BIRC6: variants seen among roughly 807,000 people sequenced by gnomAD.
The protein encoded by BIRC6 is baculoviral IAP repeat containing 6.
A neutral mutation model predicts 503.3 loss-of-function variants in BIRC6; 98 were observed. The observed-to-expected ratio is 0.19, with a 90% CI of 0.17 to 0.23. The LOEUF (loss-of-function observed/expected upper bound fraction) is 0.23, where lower values mean the gene tolerates loss of function less well. Ranked by LOEUF, BIRC6 falls within the 10% of genes least tolerant of loss-of-function variation. BIRC6 has a pLI of 1.00. For synonymous variants in BIRC6, 2,240 were observed against 2,078.7 expected (o/e 1.08, Z -2.11); for missense variants, 5,360 against 5,806.0 (o/e 0.92, Z 2.50).
intron 33 of BIRC6, among the ~76,000 whole-genome samples, chr2:32,474,063 A>T (rs1030798782): frequency 2.6e-4 from 39 of 151,892 alleles, no homozygotes; most frequent in African/African-American, 9.2e-4. Context: ...GCCACACAAT[A>T]TTTTTATTAT....
intron 8 of BIRC6, among the ~76,000 whole-genome samples, chr2:32,404,326 T>C (rs1389137649): frequency 3.3e-5 from 5 of 152,246 alleles, no homozygotes; most frequent in African/African-American, 9.6e-5. Flanking sequence ...ATAATTTTTT[T>C]TCTTTTTTTT....
At chr2:32,483,773 T>G (rs148575070) in intron 39 of BIRC6, among the ~76,000 whole-genome samples, 3 of 152,322 alleles carry the variant, frequency 2.0e-5, no homozygotes, top group Non-Finnish European at 4.4e-5. Context: ...ATTGAGTTAA[T>G]GCATCTTCGA....
chr2:32,575,131 G>A lies in BIRC6; in HGVS notation c.13145-25G>A, dbSNP rs754449554. ...TTTATATTGTACATTTGCTCATTTT[G>A]TGCTTTTTCTTCTTCTCCTTATAGT... On this transcript the variant is annotated intron_variant, in intron 65 of 73. Transcript: ENST00000421745. 1.2e-5 allele frequency: 19 copies of A among 1,608,430 alleles called. No homozygotes were observed. In the South Asian group the frequency reaches 1.6e-4, roughly 14 times the overall value.
chr2:32,550,087 A>AT (rs2058325403), intron 65 of BIRC6, among the ~76,000 whole-genome samples: 1 of 152,176 alleles, frequency 6.6e-6, no homozygotes, highest in Admixed American at 6.5e-5. Flanking sequence ...ATGTATAGAT[A>AT]TTTCCAAGAG....
chr2:32,389,070 T>A, intron 4 of BIRC6, 127 bp downstream of exon 4: 1 of 658,804 alleles, frequency 1.5e-6, no homozygotes, highest in Non-Finnish European at 2.2e-6. Flanking sequence ...AATTTTGAAA[T>A]TAAAAAAAAA....
intron 73 of BIRC6, among the ~76,000 whole-genome samples, chr2:32,615,600 G>C (rs146831755): frequency 6.6e-6 from 1 of 152,136 alleles, no homozygotes; most frequent in East Asian, 1.9e-4. Context: ...AATTTTCAAA[G>C]TCAGCTGTTG....
chr2:32,404,735 C>A (rs2041003553), intron 8 of BIRC6, among the ~76,000 whole-genome samples: 3 of 151,850 alleles, frequency 2.0e-5, no homozygotes, highest in Non-Finnish European at 4.4e-5. Flanking sequence ...GCTCACGGCT[C>A]ACTGCACCCT....
intron 1 of BIRC6, among the ~76,000 whole-genome samples, chr2:32,361,095 T>A (rs2034008654): frequency 6.6e-6 from 1 of 151,924 alleles, no homozygotes; most frequent in Admixed American, 6.6e-5. Context: ...TAATTTTTTT[T>A]ATTTTTATTT....
At position 32,357,343 on chromosome 2, in the gene BIRC6, G is replaced by A. The variant is rs1023435711; in HGVS notation, c.182G>A (p.Gly61Asp). Residue 61 changes from glycine (G) to aspartate (D), a missense_variant, in exon 1 of 74, where the codon GGC (glycine) becomes GAC (aspartate). Coordinates refer to ENST00000421745, the MANE Select transcript of BIRC6 (RefSeq NM_016252.4). The surrounding 1 kb of genome is among the most constrained non-coding windows in gnomAD (Gnocchi z 4.9). ...TCAGAGTGGCTGGTGCTGCGGGACG[G>A]CTGCATGCACTGCGACGCCGACGGG... ...GVSEWLVLRDGCMHCDADGLH... is the reference protein window; with the variant it reads ...GVSEWLVLRDDCMHCDADGLH... 2.6e-6 allele frequency: 4 copies of A among 1,543,568 alleles called. No homozygotes were observed. The Admixed American group carries it at 5.9e-5, about 23-fold the overall frequency.
chr2:32,506,955 T>G (rs566851651), intron 50 of BIRC6, among the ~76,000 whole-genome samples: 420 of 152,324 alleles, frequency 2.8e-3, no homozygotes, highest in Admixed American at 4.7e-3. Flanking sequence ...ATGTAATTCC[T>G]TCTTTTTTTA....
intron 70 of BIRC6, among the ~76,000 whole-genome samples, chr2:32,601,024 A>ATGAG (rs2062019439): frequency 6.6e-6 from 1 of 152,192 alleles, no homozygotes. Context: ...AAAAAATCTC[A>ATGAG]TAATATTTTT....
intron 9 of BIRC6, among the ~76,000 whole-genome samples, chr2:32,412,289 G>C (rs992612082): frequency 6.6e-6 from 1 of 151,944 alleles, no homozygotes; most frequent in Non-Finnish European, 1.5e-5. Context: ...ACGAGGTCAG[G>C]AGTTCGACAC....
At chr2:32,433,443 G>C (rs1027920625) in intron 12 of BIRC6, among the ~76,000 whole-genome samples, 1 of 152,172 alleles carries the variant, frequency 6.6e-6, no homozygotes, top group African/African-American at 2.4e-5. Flanking sequence ...GGCAGGTGTA[G>C]ATTTCTAAAG....
intron 66 of BIRC6, among the ~76,000 whole-genome samples, chr2:32,585,950 C>T (rs1392923033): frequency 6.6e-6 from 1 of 152,130 alleles, no homozygotes; most frequent in African/African-American, 2.4e-5. Flanking sequence ...GAAAATGAAT[C>T]TGTTGCTTAG....
Position 32,460,272 on chromosome 2 carries a change from A to ATTTTTTTTT in BIRC6, c.4754-2905_4754-2897dup, listed in dbSNP as rs70938346. ...TATATATATATATATATATATATATATTTTTTTTTTTTTTTTTTTTTTTTT... is the reference window on the plus strand; with the variant it reads ...TATATATATATATATATATATATATATTTTTTTTTTTTTTTTTTTTTTTTTTTTTTTTTT... On this transcript the variant is annotated intron_variant, in intron 23 of 73. Transcript: ENST00000421745. 5.3e-4 allele frequency among the ~76,000 whole-genome samples: 10 copies of ATTTTTTTTT among 18,820 alleles called. 3 individuals carry two copies. Among genetic ancestry groups the ATTTTTTTTT allele is most frequent in the Admixed American group, 1.3e-3 (1 of 754 alleles). The allele number at this position is 18,820 out of a possible 152,430, so 12.3% of individuals were successfully genotyped here.
intron 65 of BIRC6, among the ~76,000 whole-genome samples, chr2:32,560,863 C>G (rs2059121995): frequency 6.6e-6 from 1 of 152,022 alleles, no homozygotes; most frequent in Non-Finnish European, 1.5e-5. Flanking sequence ...GCCACTGTGC[C>G]CGACTTTTTT....
At chr2:32,444,773 T>C (rs1442021079) in intron 20 of BIRC6, among the ~76,000 whole-genome samples, 1 of 152,208 alleles carries the variant, frequency 6.6e-6, no homozygotes, top group Non-Finnish European at 1.5e-5. Context: ...AATGCTTGTT[T>C]AGAGTTGTTG....
intron 55 of BIRC6, among the ~76,000 whole-genome samples, chr2:32,516,284 C>T (rs565250507): frequency 1.7e-3 from 260 of 152,158 alleles, no homozygotes; most frequent in Middle Eastern, 3.4e-3. Flanking sequence ...GAGGCTGAGG[C>T]GGGCAGATTG....
In BIRC6 at chr2:32,468,740, A is replaced by T. The variant is rs934793703; in HGVS notation, c.6084A>T (p.Arg2028Ser). 3 of 1,611,636 alleles carry T rather than the reference A, an allele frequency of 1.9e-6. No homozygotes were observed. The Admixed American group carries it at 5.0e-5, about 27-fold the overall frequency. ...SSTEQLRTII[R>S]YLLDTLLSLL... ...CAGAGCAGTTACGTACTATCATCAG[A>T]TATTTACTGGACACTTTGCTCAGCC... The change falls in exon 29 of 74, where the codon AGA (arginine) becomes AGT (serine). Residue 2028 changes from arginine (R) to serine (S), a missense_variant. Arg to Ser is a moderately radical substitution (Grantham distance 110, BLOSUM62 -1). Transcript: ENST00000421745.
Sources: allele counts gnomAD v4.1 joint callset (sites outside exome capture counted in the v4.1 genomes callset), GRCh38; gene constraint gnomAD v4.1.1; non-coding constraint Gnocchi (gnomAD v3.1); transcripts MANE v1.5; gene names NCBI Gene and HGNC (gene_info 2026-07-23, HGNC 2026-07-21).